Variants in PAK3 observed in about 807,000 individuals in gnomAD.
PAK3 encodes p21 (RAC1) activated kinase 3.
PAK3 carries 4 observed loss-of-function variants against 41.0 expected under a neutral mutation model. The ratio of observed to expected loss-of-function variants is 0.10; its 90% CI spans 0.05 to 0.22. The LOEUF (loss-of-function observed/expected upper bound fraction) is 0.22, where lower values mean the gene tolerates loss of function less well. Among genes scored for constraint, PAK3 ranks in the 10% least tolerant of loss-of-function variants. PAK3 has a pLI of 1.00. For missense variants in PAK3, 205 were observed against 409.9 expected (o/e 0.50, Z 4.32); for synonymous variants, 146 against 139.6 (o/e 1.05, Z -0.32).
At position 111,176,040 on chromosome X, in the gene PAK3, T is replaced by C. The variant is rs1246984399; in HGVS notation, c.830+2959T>C. Reference sequence around the variant, plus strand: ...ACATCCTTAGAGGGTATGGAGTCAATTGTATTCCTACTTTTGTCTTCTTTA... The same window carrying C: ...ACATCCTTAGAGGGTATGGAGTCAACTGTATTCCTACTTTTGTCTTCTTTA... On this transcript the variant is annotated intron_variant, in intron 11 of 17. Coordinates refer to ENST00000372007, the MANE Select transcript of PAK3 (RefSeq NM_002578.5). Among the ~76,000 whole-genome samples the C allele has an allele frequency of 2.7e-5, 3 of 111,505 alleles. No individual in the cohort carries two copies. The Admixed American group carries it at 2.9e-4, about 11-fold the overall frequency.
At chrX:111,120,146 G>A (rs2093543767) in intron 4 of PAK3, among the ~76,000 whole-genome samples, 1 of 112,039 alleles carries the variant, frequency 8.9e-6, no homozygotes. Flanking sequence ...ATGATGCCTT[G>A]ATTAGTTGAA....
chrX:111,220,945 C>CAAAAAAAAAAAAAAAAAAAAACAAAAAA lies in PAK3; in HGVS notation c.*515_*516insAAAACAAAAAAAAAAAAAAAAAAAAAAA. 1 of 49,445 alleles carries CAAAAAAAAAAAAAAAAAAAAACAAAAAA rather than the reference C, an allele frequency of 2.0e-5. No individual in the cohort carries two copies. The highest frequency in any genetic ancestry group is 8.5e-5 in the African/African-American group (1 of 11,721). The allele number at this position is 49,445 out of a possible 1,213,427, so 4.1% of individuals were successfully genotyped here. On this transcript the variant is annotated 3_prime_UTR_variant, in exon 18 of 18. Coordinates refer to ENST00000372007, the MANE Select transcript of PAK3 (RefSeq NM_002578.5). ...AAAAAAGAAAGCAAAAAAAGCAAGG[C>CAAAAAAAAAAAAAAAAAAAAACAAAAAA]AAAAAAAAAAAAAAAAACAAACAAA...
intron 1 of PAK3, among the ~76,000 whole-genome samples, chrX:110,994,400 C>A (rs1035339710): frequency 9.0e-6 from 1 of 111,258 alleles, no homozygotes; most frequent in African/African-American, 3.3e-5. Flanking sequence ...GATCAAGGCA[C>A]CCCAAGATCA....
intron 1 of PAK3, among the ~76,000 whole-genome samples, chrX:111,072,202 AT>A (rs2092750602): frequency 8.9e-6 from 1 of 112,672 alleles, no homozygotes; most frequent in Non-Finnish European, 1.9e-5. Context: ...CAGTTTTCAT[AT>A]CTACGAAATT....
intron 5 of PAK3, among the ~76,000 whole-genome samples, chrX:111,140,113 C>A (rs1363185413): frequency 9.0e-6 from 1 of 111,565 alleles, no homozygotes; most frequent in East Asian, 2.8e-4. Flanking sequence ...TTAAAGGGAA[C>A]CTTCCTCTCA....
intron 5 of PAK3, 44 bp downstream of exon 5, chrX:111,123,322 C>T: frequency 3.8e-6 from 4 of 1,064,739 alleles, no homozygotes; most frequent in Non-Finnish European, 5.2e-6. Flanking sequence ...CTAGTTTATT[C>T]TTTCATTTTC....
At chrX:110,983,405 C>T (rs1296183244) in intron 1 of PAK3, among the ~76,000 whole-genome samples, 1 of 108,652 alleles carries the variant, frequency 9.2e-6, no homozygotes, top group Non-Finnish European at 1.9e-5. Flanking sequence ...AGGTGTACTA[C>T]CCAAAAAGAA....
chrX:111,168,521 C>T (rs989495052), intron 10 of PAK3, among the ~76,000 whole-genome samples: 2 of 111,833 alleles, frequency 1.8e-5, no homozygotes, highest in South Asian at 3.7e-4. Context: ...TGGCAGCACA[C>T]ACTCTCCTGT....
In PAK3 at chrX:110,983,533, T is replaced by TGTGTGTGG. The variant is rs1556421280; in HGVS notation, c.-28+38912_-28+38913insGGTGTGTG. ...GTGCATGTGTGTGTATGTCTGCGTGTGTGTGTGTGTGTGTGAAAGAGAGAG... is the reference window on the plus strand; with the variant it reads ...GTGCATGTGTGTGTATGTCTGCGTGTGTGTGTGGGTGTGTGTGTGTGTGAAAGAGAGAG... On this transcript the variant is annotated intron_variant, in intron 1 of 14. Coordinates refer to the PAK3 transcript ENST00000425146. Among the ~76,000 whole-genome samples the TGTGTGTGG allele has an allele frequency of 9.5e-4, 104 of 109,311 alleles. 1 individual carries two copies. The highest frequency in any genetic ancestry group is 3.3e-3 in the African/African-American group (100 of 30,013). The allele number at this position is 109,311 out of a possible 115,157, so 94.9% of individuals were successfully genotyped here.
At chrX:111,073,106 A>G (rs2092758870) in intron 1 of PAK3, among the ~76,000 whole-genome samples, 1 of 111,306 alleles carries the variant, frequency 9.0e-6, no homozygotes, top group Admixed American at 9.6e-5. Context: ...AGCCACAGGT[A>G]CTAGTACCAT....
chrX:111,067,007 C>G (rs976952103), intron 1 of PAK3, among the ~76,000 whole-genome samples: 39 of 111,879 alleles, frequency 3.5e-4, no homozygotes, highest in African/African-American at 1.3e-3. Flanking sequence ...TTTTTGTAGT[C>G]TGATATTTCA....
chrX:111,213,419 AAAGGCC>A (rs1327645256), intron 16 of PAK3, among the ~76,000 whole-genome samples: 4 of 112,248 alleles, frequency 3.6e-5, no homozygotes, highest in African/African-American at 1.3e-4. Flanking sequence ...GGAATGGAAA[AAAGGCC>A]AAGTATTTCC....
chrX:111,153,054 C>G (rs1029198329), intron 8 of PAK3, among the ~76,000 whole-genome samples: 3 of 111,734 alleles, frequency 2.7e-5, no homozygotes, highest in Non-Finnish European at 5.7e-5. Context: ...GACAATGTTT[C>G]TGTTTCTCTT....
rs146052954 is a variant in PAK3 at position 110,995,654 on chromosome X, C to T, written c.-28+51026C>T. ...GATCACATGATTTCCCTCCTCAAAA[C>T]CCTCCCATGGCTCCCATTGCATGTA... is the stretch of plus-strand genomic sequence containing the variant. On this transcript the variant is annotated intron_variant, in intron 1 of 14. Transcript: ENST00000425146. 6.8e-3 allele frequency among the ~76,000 whole-genome samples: 755 copies of T among 111,310 alleles called. 6 individuals are homozygous for T. Among genetic ancestry groups the T allele is most frequent in the African/African-American group, 0.023 (696 of 30,610 alleles).
intron 1 of PAK3, among the ~76,000 whole-genome samples, chrX:110,947,190 T>C (rs910461058): frequency 8.1e-5 from 9 of 111,632 alleles, no homozygotes; most frequent in African/African-American, 2.6e-4. Flanking sequence ...TCCCCTTAAA[T>C]GAAGACCAAA....
chrX:110,953,276 C>A (rs1168616768), intron 1 of PAK3, among the ~76,000 whole-genome samples: 1 of 111,415 alleles, frequency 9.0e-6, no homozygotes, highest in African/African-American at 3.3e-5. Flanking sequence ...GTCCAGGGTT[C>A]GAGTTCTGGT....
At chrX:111,205,789 A>G (rs1179539404) in intron 16 of PAK3, among the ~76,000 whole-genome samples, 1 of 111,721 alleles carries the variant, frequency 9.0e-6, no homozygotes, top group Admixed American at 9.6e-5. Context: ...AAATCAGTTT[A>G]TGTGACTAGT....
intron 4 of PAK3, 79 bp downstream of exon 4, chrX:111,103,385 T>C (rs1162072382): frequency 2.7e-5 from 3 of 112,309 alleles, no homozygotes; most frequent in South Asian, 3.7e-4. Context: ...GATCTCCCAA[T>C]ATCAAAGACT....
intron 5 of PAK3, among the ~76,000 whole-genome samples, chrX:111,129,580 C>CCTAT (rs1343319128): frequency 9.0e-6 from 1 of 111,387 alleles, no homozygotes; most frequent in African/African-American, 3.3e-5. Context: ...ACACACTCTC[C>CCTAT]CTATCTACCA....
Sources: allele counts gnomAD v4.1 joint callset (sites outside exome capture counted in the v4.1 genomes callset), GRCh38; gene constraint gnomAD v4.1.1; transcripts MANE v1.5; gene names NCBI Gene and HGNC (gene_info 2026-07-23, HGNC 2026-07-21).